Variants in MXI1 observed in about 807,000 individuals in gnomAD.
The protein encoded by MXI1 is MAX interactor 1, dimerization protein.
MXI1 carries 18 observed loss-of-function variants against 36.9 expected under a neutral mutation model. The observed-to-expected ratio is 0.49, with a 90% CI of 0.34 to 0.72. The LOEUF (loss-of-function observed/expected upper bound fraction) is 0.72, where lower values mean the gene tolerates loss of function less well. MXI1 is among the 30% of genes least tolerant of loss of function. The pLI is 0.01. For synonymous variants in MXI1, 160 were observed against 146.7 expected (o/e 1.09, Z -0.65); for missense variants, 304 against 379.1 (o/e 0.80, Z 1.64).
intron 3 of MXI1, among the ~76,000 whole-genome samples, chr10:110,248,424 C>G (rs945331364): frequency 2.0e-5 from 3 of 152,086 alleles, no homozygotes; most frequent in Non-Finnish European, 4.4e-5. Flanking sequence ...TTTAAAAACC[C>G]TCACAGAAGA....
At chr10:110,273,617 G>A (rs1421340373) in intron 3 of MXI1, among the ~76,000 whole-genome samples, 1 of 152,196 alleles carries the variant, frequency 6.6e-6, no homozygotes, top group Non-Finnish European at 1.5e-5. Context: ...GTGCAGGAGT[G>A]TGTGTTGGGA....
chr10:110,221,782 T>C (rs1298719837), intron 1 of MXI1, among the ~76,000 whole-genome samples: 9 of 152,210 alleles, frequency 5.9e-5, no homozygotes, highest in Admixed American at 5.9e-4. Context: ...TTCAGCCGTC[T>C]CAGATAAACA....
chr10:110,247,418 T>C lies in MXI1; in HGVS notation c.437+2561T>C, dbSNP rs554055541. On this transcript the variant is annotated intron_variant, in intron 3 of 5. Transcript: ENST00000332674. ...ACATCCCATTTGTCAATTTTGGCTT[T>C]TGTTGCCATTGCTTTTGGTGTTTTA... Among the ~76,000 whole-genome samples the C allele has an allele frequency of 4.7e-4, 71 of 152,312 alleles. 1 individual carries two copies. In the South Asian group the frequency reaches 0.014, roughly 30 times the overall value.
At chr10:110,260,013 T>C (rs956293086) in intron 3 of MXI1, among the ~76,000 whole-genome samples, 1 of 151,984 alleles carries the variant, frequency 6.6e-6, no homozygotes, top group Non-Finnish European at 1.5e-5. Flanking sequence ...GTAAATGACT[T>C]CCTTGTTTTG....
At chr10:110,216,344 AC>A (rs1158423148) in intron 1 of MXI1, among the ~76,000 whole-genome samples, 2 of 152,192 alleles carry the variant, frequency 1.3e-5, no homozygotes, top group Admixed American at 6.5e-5. Context: ...CATTAATTAA[AC>A]CAGTACATAA....
rs1160092943 is a variant in MXI1 at position 110,208,034 on chromosome 10, C to T, written c.226C>T (p.Leu76=). ...INTFLQNVQI[L]LEAASYLEQI... ...CACTTTTCTGCAGAACGTGCAGATT[C>T]TGCTCGAGGCCGCCAGCTACCTGGA... Residue 76 remains leucine (L), a synonymous_variant, in exon 1 of 6, where the codon CTG becomes TTG. Transcript: ENST00000332674. 3 of 1,603,422 alleles carry T rather than the reference C, an allele frequency of 1.9e-6. No homozygotes were observed. Among genetic ancestry groups the T allele is most frequent in the Non-Finnish European group, 2.6e-6 (3 of 1,175,112 alleles).
Position 110,209,014 on chromosome 10 carries a change from A to G in MXI1, c.274+932A>G, listed in dbSNP as rs1264849249. 1.4e-4 allele frequency among the ~76,000 whole-genome samples: 15 copies of G among 104,234 alleles called. No homozygotes were observed. In the Admixed American group the frequency reaches 1.5e-3, roughly 11 times the overall value. 68.4% of individuals were successfully genotyped at this position (104,234 alleles called of 152,430 possible). ...ACTCCCCCCACCCGCCCACCCCCAG[A>G]TTCACGTGGATAGTAGTGCGTGGGT... On this transcript the variant is annotated intron_variant, in intron 1 of 5. Transcript: ENST00000332674.
At chr10:110,214,279 C>G (rs1564703828) in intron 1 of MXI1, among the ~76,000 whole-genome samples, 1 of 152,160 alleles carries the variant, frequency 6.6e-6, no homozygotes, top group Non-Finnish European at 1.5e-5. Flanking sequence ...CCTGCACACA[C>G]CTTGCTTAGA....
At chr10:110,259,023 T>C (rs75015462) in intron 3 of MXI1, among the ~76,000 whole-genome samples, 7,989 of 152,170 alleles carry the variant, frequency 0.053, 320 homozygotes, top group Middle Eastern at 0.15. Context: ...GAAATGAGAT[T>C]ATGAGATCTT....
At chr10:110,235,695 AAATAAAT>A (rs1855437861) in intron 2 of MXI1, among the ~76,000 whole-genome samples, 2 of 109,134 alleles carry the variant, frequency 1.8e-5, no homozygotes, top group Admixed American at 1.7e-4. Context: ...CTCAAAAAAT[AAATAAAT>A]AAATAAATAA....
intron 2 of MXI1, among the ~76,000 whole-genome samples, chr10:110,244,186 C>G (rs1034491268): frequency 1.3e-5 from 2 of 151,990 alleles, no homozygotes; most frequent in Admixed American, 6.6e-5. Flanking sequence ...AAAAAGTCAC[C>G]AAAACTAAAC....
intron 1 of MXI1, chr10:110,227,963 A>G (rs556010012): frequency 6.0e-4 from 311 of 514,430 alleles, no homozygotes; most frequent in Non-Finnish European, 8.6e-4. Flanking sequence ...AAGGGGGGAT[A>G]AACTCTTTGG....
chr10:110,210,381 T>G (rs997123003), intron 1 of MXI1: 1 of 703,548 alleles, frequency 1.4e-6, no homozygotes, highest in Non-Finnish European at 1.7e-6. Flanking sequence ...GGAGTATTTT[T>G]AGCTCTCTTG....
At chr10:110,212,227 G>A (rs560101275) in intron 1 of MXI1, among the ~76,000 whole-genome samples, 2 of 152,304 alleles carry the variant, frequency 1.3e-5, no homozygotes, top group African/African-American at 2.4e-5. Flanking sequence ...GTTTGAGGGT[G>A]GGGTGCTTTC....
At position 110,207,666 on chromosome 10, in the gene MXI1, G is replaced by C. The variant is rs76313351; in HGVS notation, c.-143G>C. The stretch of plus-strand genomic sequence containing the variant: ...CCATACACTCACACACACAACTGCA[G>C]GCAGCGAGGCTCGGGAAGTCAGGCC... On this transcript the variant is annotated 5_prime_UTR_variant, in exon 1 of 6. Transcript: ENST00000332674. 4,722 of 270,966 alleles carry C rather than the reference G, an allele frequency of 0.017. 131 individuals are homozygous for C. The highest frequency in any genetic ancestry group is 0.11 in the South Asian group (832 of 7,498). The allele number at this position is 270,966 out of a possible 1,614,324, so 16.8% of individuals were successfully genotyped here.
intron 3 of MXI1, among the ~76,000 whole-genome samples, chr10:110,264,526 C>T (rs2134437426): frequency 6.6e-6 from 1 of 151,922 alleles, no homozygotes; most frequent in South Asian, 2.1e-4. Flanking sequence ...CCACCACACC[C>T]AGCTAATGTT....
At chr10:110,224,892 C>T (rs984331374) in intron 1 of MXI1, among the ~76,000 whole-genome samples, 4 of 152,160 alleles carry the variant, frequency 2.6e-5, no homozygotes, top group African/African-American at 4.8e-5. Context: ...AGGTGATCCG[C>T]CCACCTCAGC....
chr10:110,241,626 A>G (rs1292613965), intron 2 of MXI1, among the ~76,000 whole-genome samples: 2 of 151,960 alleles, frequency 1.3e-5, no homozygotes, highest in Non-Finnish European at 2.9e-5. Flanking sequence ...AGCTTCAGTC[A>G]CCTATCTTTT....
chr10:110,218,367 G>T (rs529916602), intron 1 of MXI1, among the ~76,000 whole-genome samples: 1 of 151,764 alleles, frequency 6.6e-6, no homozygotes, highest in Non-Finnish European at 1.5e-5. Flanking sequence ...GGAGAATGGC[G>T]TGAACCCGGG....
Sources: gnomAD v4.1 joint callset for allele counts (sites outside exome capture counted in the v4.1 genomes callset) on GRCh38, gnomAD v4.1.1 for gene constraint, MANE v1.5 for transcripts, NCBI Gene and HGNC (gene_info 2026-07-23, HGNC 2026-07-21) for gene names.